Variants in CMTM8 observed in about 807,000 individuals in gnomAD.
CMTM8 encodes the protein CKLF-like MARVEL transmembrane domain-containing protein 8.
Under a neutral mutation model 18.6 loss-of-function variants are expected in CMTM8, and 12 were observed. The observed-to-expected ratio is 0.65, with a 90% CI of 0.41 to 1.05. The LOEUF is 1.05. CMTM8 is among the 50% of genes least tolerant of loss of function. The pLI is 0.00. For missense variants in CMTM8, 217 were observed against 227.2 expected, an observed-to-expected ratio of 0.95 and a Z score of 0.29; for synonymous variants, 87 against 90.6, an observed-to-expected ratio of 0.96 and a Z score of 0.23.
chr3:32,314,957 T>G (rs952370090), intron 1 of CMTM8, among the ~76,000 whole-genome samples: 7 of 151,928 alleles, frequency 4.6e-5, no homozygotes, highest in Admixed American at 4.6e-4. Flanking sequence ...AGGTGAAAAC[T>G]TAATAAGTGG....
chr3:32,286,629 A>G (rs532172393), intron 1 of CMTM8, among the ~76,000 whole-genome samples: 1 of 152,274 alleles, frequency 6.6e-6, no homozygotes, highest in South Asian at 2.1e-4. Context: ...GGCGTAACAC[A>G]CATGTTCTCA....
intron 1 of CMTM8, among the ~76,000 whole-genome samples, chr3:32,350,061 A>G (rs181620576): frequency 1.3e-5 from 2 of 152,250 alleles, no homozygotes; most frequent in Admixed American, 1.3e-4. Context: ...AGGTTGAGGA[A>G]TCCTAATCTA....
At chr3:32,328,706 T>A (rs928636224) in intron 1 of CMTM8, among the ~76,000 whole-genome samples, 1 of 152,068 alleles carries the variant, frequency 6.6e-6, no homozygotes, top group South Asian at 2.1e-4. Context: ...AAGACTACTA[T>A]GAACAATTAT....
At chr3:32,310,150 A>C (rs1293432330) in intron 1 of CMTM8, among the ~76,000 whole-genome samples, 1 of 144,586 alleles carries the variant, frequency 6.9e-6, no homozygotes, top group Non-Finnish European at 1.5e-5. Flanking sequence ...ATGATTTTTA[A>C]AATTGTGGTT....
chr3:32,312,841 A>T (rs1695846733), intron 1 of CMTM8, among the ~76,000 whole-genome samples: 1 of 151,508 alleles, frequency 6.6e-6, no homozygotes, highest in African/African-American at 2.4e-5. Flanking sequence ...ATAAACTCAG[A>T]TGTGGTTGAA....
At chr3:32,344,563 G>A (rs1289551630) in intron 1 of CMTM8, among the ~76,000 whole-genome samples, 1 of 152,100 alleles carries the variant, frequency 6.6e-6, no homozygotes, top group Non-Finnish European at 1.5e-5. Context: ...GACACCACAG[G>A]GAGTCCTCAG....
At chr3:32,288,851 G>GA (rs1455733249) in intron 1 of CMTM8, among the ~76,000 whole-genome samples, 2 of 152,228 alleles carry the variant, frequency 1.3e-5, no homozygotes, top group East Asian at 3.9e-4. Flanking sequence ...TATCTCAGTC[G>GA]AATTTCCTAT....
chr3:32,238,854 G>A lies in CMTM8; in HGVS notation c.-119G>A. 1.1e-6 allele frequency: 1 copy of A among 947,146 alleles called. No individual in the cohort carries two copies. The highest frequency in any genetic ancestry group is 3.7e-5 in the South Asian group (1 of 27,326). The allele number at this position is 947,146 out of a possible 1,614,324, so 58.7% of individuals were successfully genotyped here. A position where few individuals can be genotyped will look rare whatever the true frequency, so the allele number is the denominator to read the frequency against. ...GGCGGGCGCCCCCCTCGCACCTCCT[G>A]CCCCGCGCGGGCCGCGCTCCCCTCC... On this transcript the variant is annotated 5_prime_UTR_variant, in exon 1 of 4. Coordinates refer to ENST00000307526, the MANE Select transcript of CMTM8 (RefSeq NM_178868.5).
intron 3 of CMTM8, 68 bp downstream of exon 3, chr3:32,368,056 G>T (rs1036749344): frequency 1.8e-6 from 2 of 1,101,266 alleles, no homozygotes; most frequent in Middle Eastern, 2.0e-4. Flanking sequence ...GATTGGGGAA[G>T]ACAGAGTCAT....
At position 32,288,763 on chromosome 3, in the gene CMTM8, G is replaced by A. The variant is rs552206902; in HGVS notation, c.147+49644G>A. 2.4e-3 allele frequency among the ~76,000 whole-genome samples: 366 copies of A among 152,348 alleles called. 4 individuals are homozygous for A. The highest frequency in any genetic ancestry group is 4.7e-4 in the Non-Finnish European group (32 of 68,028). Reference sequence around the variant, plus strand: ...GATATGCCCGCCTTGGCCTCCCAAAGTGCTGGGATTACAGGCGTGAGCCAC... The same window carrying A: ...GATATGCCCGCCTTGGCCTCCCAAAATGCTGGGATTACAGGCGTGAGCCAC... On this transcript the variant is annotated intron_variant, in intron 1 of 3. Transcript: ENST00000307526.
intron 1 of CMTM8, among the ~76,000 whole-genome samples, chr3:32,328,780 A>T (rs1452830832): frequency 6.6e-6 from 1 of 152,180 alleles, no homozygotes; most frequent in Non-Finnish European, 1.5e-5. Flanking sequence ...ACCTACCAAG[A>T]CTGAATCATG....
intron 1 of CMTM8, among the ~76,000 whole-genome samples, chr3:32,351,129 T>G (rs1696699242): frequency 6.6e-6 from 1 of 152,212 alleles, no homozygotes; most frequent in African/African-American, 2.4e-5. Flanking sequence ...TCATTGGCAC[T>G]GACACAGCAG....
At chr3:32,343,217 T>C (rs1232110973) in intron 1 of CMTM8, among the ~76,000 whole-genome samples, 1 of 152,248 alleles carries the variant, frequency 6.6e-6, no homozygotes, top group Non-Finnish European at 1.5e-5. Context: ...GAATGTGTCC[T>C]GGACTTCTCT....
chr3:32,341,413 C>G (rs1349383141), intron 1 of CMTM8, among the ~76,000 whole-genome samples: 3 of 152,134 alleles, frequency 2.0e-5, no homozygotes, highest in Non-Finnish European at 4.4e-5. Flanking sequence ...TTATGGTCTG[C>G]CAAACTGCTC....
intron 1 of CMTM8, among the ~76,000 whole-genome samples, chr3:32,266,485 C>T (rs1702348185): frequency 1.3e-5 from 2 of 152,118 alleles, no homozygotes; most frequent in South Asian, 4.2e-4. Context: ...ATGACAAACC[C>T]CAGCCAATAT....
At chr3:32,364,209 A>G (rs1208060917) in intron 2 of CMTM8, among the ~76,000 whole-genome samples, 2 of 152,174 alleles carry the variant, frequency 1.3e-5, no homozygotes, top group African/African-American at 2.4e-5. Context: ...TGTCTCTACT[A>G]AAAATAAAAA....
At chr3:32,360,091 G>A (rs1169098984) in intron 2 of CMTM8, among the ~76,000 whole-genome samples, 1 of 152,180 alleles carries the variant, frequency 6.6e-6, no homozygotes, top group Admixed American at 6.5e-5. Flanking sequence ...CAGCCTCCAG[G>A]TCAGGGGTTG....
At chr3:32,243,026 G>A (rs1013170493) in intron 1 of CMTM8, among the ~76,000 whole-genome samples, 1 of 151,622 alleles carries the variant, frequency 6.6e-6, no homozygotes, top group African/African-American at 2.4e-5. Context: ...CCAAGTAGCT[G>A]GGATTATAGG....
intron 1 of CMTM8, among the ~76,000 whole-genome samples, chr3:32,247,614 C>T (rs537479009): frequency 6.6e-6 from 1 of 152,300 alleles, no homozygotes; most frequent in South Asian, 2.1e-4. Context: ...GCGTGCACCA[C>T]CACGCCCAGC....
Sources: gnomAD v4.1 joint callset for allele counts (sites outside exome capture counted in the v4.1 genomes callset) on GRCh38, gnomAD v4.1.1 for gene constraint, MANE v1.5 for transcripts, NCBI Gene and HGNC (gene_info 2026-07-23, HGNC 2026-07-21) for gene names.